The following WNT2B variants were observed in gnomAD, a reference collection of about 807,000 sequenced individuals.
WNT2B encodes the protein Wnt family member 2B.
WNT2B carries 19 observed loss-of-function variants against 40.5 expected under a neutral mutation model. The observed-to-expected ratio is 0.47, with a 90% CI of 0.33 to 0.69. The LOEUF is 0.69. WNT2B is among the 30% of genes least tolerant of loss of function. The probability of loss-of-function intolerance (pLI) is 0.02; values close to 1 mark genes in which losing one functional copy is unlikely to be tolerated. For synonymous variants in WNT2B, 220 were observed against 211.9 expected (o/e 1.04, Z -0.33); for missense variants, 467 against 556.4 (o/e 0.84, Z 1.62).
chr1:112,483,338 C>G (rs921699689), intron 1 of WNT2B, among the ~76,000 whole-genome samples: 8 of 152,222 alleles, frequency 5.3e-5, no homozygotes, highest in Admixed American at 2.6e-4. Flanking sequence ...CATCTATAGT[C>G]AACTGATCTT....
chr1:112,512,445 C>G (rs539025423), intron 1 of WNT2B, among the ~76,000 whole-genome samples: 1 of 152,282 alleles, frequency 6.6e-6, no homozygotes, highest in African/African-American at 2.4e-5. Flanking sequence ...TCTAACGAAT[C>G]CCCACATGAT....
At chr1:112,480,453 C>T (rs976413865) in intron 1 of WNT2B, among the ~76,000 whole-genome samples, 1 of 151,196 alleles carries the variant, frequency 6.6e-6, no homozygotes, top group African/African-American at 2.4e-5. Flanking sequence ...CAATTACATG[C>T]CAACAAACAG....
At position 112,517,168 on chromosome 1, in the gene WNT2B, T is replaced by C; in HGVS notation, c.729T>C (p.Ser243=). The change falls in exon 4 of 5, where the codon AGT becomes AGC. Residue 243 remains serine (S), a synonymous_variant. Coordinates refer to ENST00000369684, the MANE Select transcript of WNT2B (RefSeq NM_024494.3). The part of the protein sequence containing the change: ...LKLECKCHGV[S]GSCTLRTCWR... The stretch of plus-strand genomic sequence containing the variant: ...TGGAGTGTAAGTGCCATGGCGTGAG[T>C]GGTTCCTGTACTCTGCGCACCTGCT... 1.9e-6 allele frequency: 3 copies of C among 1,613,908 alleles called. No homozygotes were observed. The highest frequency in any genetic ancestry group is 1.1e-5 in the South Asian group (1 of 91,074).
At chr1:112,508,714 T>C (rs1652210886), upstream of WNT2B, 2 of 985,606 alleles carry the variant, frequency 2.0e-6, no homozygotes, top group Admixed American at 6.1e-5. This position sits in a 1 kb window ranked among gnomAD's most constrained non-coding sequence, Gnocchi z 4.2. Flanking sequence ...GGTGGCGCGG[T>C]GTCGGCAGGG....
Position 112,524,386 on chromosome 1 carries a change from C to T in WNT2B, c.*3877C>T, listed in dbSNP as rs1229936545. The T allele has an allele frequency of 6.6e-6, 1 of 152,656 alleles. No individual in the cohort carries two copies. The highest frequency in any genetic ancestry group is 1.9e-4 in the East Asian group (1 of 5,198). The allele number at this position is 152,656 out of a possible 1,614,324, so 9.5% of individuals were successfully genotyped here. ...TTCTCATCCCTGGGAGGCATTCAGC[C>T]TAGCTCCTGCAGCCAAATTACAGCA... is the stretch of plus-strand genomic sequence containing the variant. On this transcript the variant is annotated 3_prime_UTR_variant, in exon 5 of 5. Transcript: ENST00000369684.
At chr1:112,493,715 G>A (rs907842440) in intron 1 of WNT2B, among the ~76,000 whole-genome samples, 2 of 152,000 alleles carry the variant, frequency 1.3e-5, no homozygotes, top group Non-Finnish European at 2.9e-5. Context: ...ACTATAAAAG[G>A]TATAACATGT....
intron 1 of WNT2B, among the ~76,000 whole-genome samples, chr1:112,512,741 C>T (rs1166050054): frequency 6.6e-6 from 1 of 152,176 alleles, no homozygotes; most frequent in African/African-American, 2.4e-5. Context: ...ATTTTGCAGG[C>T]ATGTGTTGAA....
intron 1 of WNT2B, among the ~76,000 whole-genome samples, chr1:112,474,064 CAAAAA>C (rs57010677): frequency 8.5e-6 from 1 of 118,084 alleles, no homozygotes; most frequent in African/African-American, 3.3e-5. Flanking sequence ...GACTCTGTCT[CAAAAA>C]AAAAAAAAAA....
chr1:112,499,056 A>T lies in WNT2B; in HGVS notation c.-94-15818A>T, dbSNP rs552251998. 5.3e-5 allele frequency among the ~76,000 whole-genome samples: 8 copies of T among 152,270 alleles called. No individual in the cohort carries two copies. The South Asian group carries it at 1.7e-3, about 32-fold the overall frequency. On this transcript the variant is annotated intron_variant, in intron 1 of 4. Coordinates refer to the WNT2B transcript ENST00000256640. Reference sequence around the variant, plus strand: ...CCCCATCTCTACTAAAAATACAAAAATTAGCCGGTCGTGGTGGCGTGCGCC... The same window carrying T: ...CCCCATCTCTACTAAAAATACAAAATTTAGCCGGTCGTGGTGGCGTGCGCC...
intron 3 of WNT2B, 85 bp from the exon 4 acceptor site, chr1:112,517,034 CAG>C (rs1652584161): frequency 1.3e-6 from 2 of 1,534,240 alleles, no homozygotes; most frequent in Admixed American, 1.8e-5. Flanking sequence ...CAGCCTATCT[CAG>C]AGCACTCATC....
At chr1:112,492,656 T>G (rs1053913518) in intron 1 of WNT2B, among the ~76,000 whole-genome samples, 1 of 152,226 alleles carries the variant, frequency 6.6e-6, no homozygotes, top group Non-Finnish European at 1.5e-5. Flanking sequence ...GAGAAACTAT[T>G]TTGCCAGAAC....
chr1:112,520,724 TG>T lies in WNT2B; in HGVS notation c.*216del. ...GATATAAGAAACTGAGCAAGCTCCC[TG>T]ATTTCCCGCTCTGGAGATTTGAAGG... On this transcript the variant is annotated 3_prime_UTR_variant, in exon 5 of 5. Coordinates refer to ENST00000369684, the MANE Select transcript of WNT2B (RefSeq NM_024494.3). 1 of 592,896 alleles carries T rather than the reference TG, an allele frequency of 1.7e-6. No homozygotes were observed. The highest frequency in any genetic ancestry group is 3.0e-6 in the Non-Finnish European group (1 of 335,736). 36.7% of individuals were successfully genotyped at this position (592,896 alleles called of 1,614,324 possible). A position where few individuals can be genotyped will look rare whatever the true frequency, so the allele number is the denominator to read the frequency against.
intron 1 of WNT2B, among the ~76,000 whole-genome samples, chr1:112,488,288 ACT>A (rs1296417248): frequency 2.6e-5 from 4 of 151,994 alleles, no homozygotes; most frequent in African/African-American, 7.2e-5. Flanking sequence ...ACAGAGCAAG[ACT>A]CTGTCTCAAA....
exon 1 of WNT2B, chr1:112,467,325 G>T (rs757563272): frequency 2.5e-5 from 13 of 513,610 alleles, no homozygotes; most frequent in Non-Finnish European, 4.2e-5. Flanking sequence ...GCCACTGGAA[G>T]CCTGAATTGA....
At chr1:112,474,522 A>T (rs1446941219) in intron 1 of WNT2B, among the ~76,000 whole-genome samples, 3 of 152,158 alleles carry the variant, frequency 2.0e-5, no homozygotes, top group African/African-American at 7.2e-5. Context: ...AGAACATGAG[A>T]TTTCTCATTA....
intron 1 of WNT2B, among the ~76,000 whole-genome samples, chr1:112,469,017 GC>G (rs1245417215): frequency 1.3e-5 from 2 of 152,180 alleles, no homozygotes. Flanking sequence ...GCATTCTTGT[GC>G]ATATGGTTAT....
rs71584737 is a variant in WNT2B, at chr1:112,486,132, A to AACACACACACAC, written c.-95+18556_-95+18567dup. Among the ~76,000 whole-genome samples the AACACACACACAC allele has an allele frequency of 2.8e-3, 397 of 143,844 alleles. 5 individuals are homozygous for AACACACACACAC. Among genetic ancestry groups the AACACACACACAC allele is most frequent in the African/African-American group, 8.5e-3 (318 of 37,242 alleles). The allele number at this position is 143,844 out of a possible 152,430, so 94.4% of individuals were successfully genotyped here. A position where few individuals can be genotyped will look rare whatever the true frequency, so the allele number is the denominator to read the frequency against. ...AGCCTGGGCAAGATAATGAGTTTTT[A>AACACACACACAC]ACACACACACACACACACACACACA... On this transcript the variant is annotated intron_variant, in intron 1 of 4. Coordinates refer to the WNT2B transcript ENST00000256640.
rs1367373290 is a variant in WNT2B, at chr1:112,525,048, T to TA, written c.*4540dup. ...TGAGGAGAGATCAGTGGTGAAGAATTACCATCAAAGCAGAGTGGCTGAGAC... is the reference window on the plus strand; with the variant it reads ...TGAGGAGAGATCAGTGGTGAAGAATTAACCATCAAAGCAGAGTGGCTGAGAC... On this transcript the variant is annotated 3_prime_UTR_variant, in exon 5 of 5. Coordinates refer to ENST00000369684, the MANE Select transcript of WNT2B (RefSeq NM_024494.3). 6.6e-6 allele frequency: 1 copy of TA among 152,126 alleles called. No homozygotes were observed. The highest frequency in any genetic ancestry group is 1.5e-5 in the Non-Finnish European group (1 of 68,034). 9.4% of individuals were successfully genotyped at this position (152,126 alleles called of 1,614,324 possible).
At chr1:112,502,231 T>C (rs1468797773) in intron 1 of WNT2B, among the ~76,000 whole-genome samples, 1 of 152,076 alleles carries the variant, frequency 6.6e-6, no homozygotes, top group Non-Finnish European at 1.5e-5. Flanking sequence ...GGCTCTCCTC[T>C]CAGGAGCGCG....
Sources: gnomAD v4.1 joint callset for allele counts (sites outside exome capture counted in the v4.1 genomes callset) on GRCh38, gnomAD v4.1.1 for gene constraint, Gnocchi (gnomAD v3.1) non-coding constraint, MANE v1.5 for transcripts, NCBI Gene and HGNC (gene_info 2026-07-23, HGNC 2026-07-21) for gene names.